Variants in KCND3 observed in about 807,000 individuals in gnomAD.
The protein encoded by KCND3 is A-type voltage-gated potassium channel KCND3.
A neutral mutation model predicts 51.1 loss-of-function variants in KCND3; 9 were observed. The observed-to-expected ratio is 0.18, with a 90% CI of 0.11 to 0.31. The LOEUF (loss-of-function observed/expected upper bound fraction) is 0.31, where lower values mean the gene tolerates loss of function less well. Among genes scored for constraint, KCND3 ranks in the 10% least tolerant of loss-of-function variants. The probability of loss-of-function intolerance (pLI) is 1.00; values close to 1 mark genes in which losing one functional copy is unlikely to be tolerated. For synonymous variants in KCND3, 349 were observed against 368.0 expected (o/e 0.95, Z 0.59); for missense variants, 526 against 903.8 (o/e 0.58, Z 5.36).
intron 2 of KCND3, among the ~76,000 whole-genome samples, chr1:111,967,159 AC>A (rs1352027030): frequency 2.0e-5 from 3 of 150,168 alleles, no homozygotes; most frequent in African/African-American, 7.3e-5. Context: ...AAAAACAAAA[AC>A]AAAAAAAAAA....
intron 2 of KCND3, among the ~76,000 whole-genome samples, chr1:111,807,015 A>G (rs1000182933): frequency 6.6e-6 from 1 of 152,244 alleles, no homozygotes; most frequent in East Asian, 1.9e-4. Context: ...GACTGGTAAC[A>G]TTCCCAGGTG....
chr1:111,950,850 T>A (rs912680497), intron 2 of KCND3, among the ~76,000 whole-genome samples: 1 of 152,150 alleles, frequency 6.6e-6, no homozygotes, highest in Non-Finnish European at 1.5e-5. Flanking sequence ...CTGTGATAGA[T>A]GTTTTGTCCA....
rs570190641 is a variant in KCND3 at position 111,949,938 on chromosome 1, C to A, written c.1106+31683G>T. Among the ~76,000 whole-genome samples, 3 of 152,282 alleles carry A rather than the reference C, an allele frequency of 2.0e-5. No homozygotes were observed. In the South Asian group the frequency reaches 6.2e-4, roughly 32 times the overall value. On this transcript the variant is annotated intron_variant, in intron 2 of 7. Coordinates refer to ENST00000302127, the MANE Select transcript of KCND3 (RefSeq NM_001378969.1). ...ATTTTGTTTTGTTTTTGAGACAGAG[C>A]CTCACTCTGTTGCTCAGGCTGGAGT...
At chr1:111,956,667 C>G (rs1023884493) in intron 2 of KCND3, among the ~76,000 whole-genome samples, 2 of 152,194 alleles carry the variant, frequency 1.3e-5, no homozygotes, top group East Asian at 1.9e-4. Context: ...AGCCCTCCCC[C>G]ACTTCCACAG....
At chr1:111,953,651 C>A (rs1039034289) in intron 2 of KCND3, among the ~76,000 whole-genome samples, 1 of 152,220 alleles carries the variant, frequency 6.6e-6, no homozygotes, top group African/African-American at 2.4e-5. Context: ...GCTGTGTAGG[C>A]TTCCTCATGA....
intron 5 of KCND3, among the ~76,000 whole-genome samples, chr1:111,778,735 G>A (rs1664245460): frequency 6.6e-6 from 1 of 151,826 alleles, no homozygotes; most frequent in Non-Finnish European, 1.5e-5. Context: ...CTCCTGTCCT[G>A]ACATTCCACC....
At chr1:111,841,042 G>A (rs1437714873) in intron 2 of KCND3, among the ~76,000 whole-genome samples, 1 of 152,170 alleles carries the variant, frequency 6.6e-6, no homozygotes, top group African/African-American at 2.4e-5. Flanking sequence ...TCCCCTATTT[G>A]TCTGTTCCAC....
intron 2 of KCND3, among the ~76,000 whole-genome samples, chr1:111,925,979 T>G (rs545701893): frequency 6.6e-6 from 1 of 152,348 alleles, no homozygotes; most frequent in East Asian, 1.9e-4. Flanking sequence ...TTATACATAC[T>G]AATCATTTCC....
rs967622411 is a variant in KCND3 at position 111,774,068 on chromosome 1, A to T, written c.*2009T>A. The T allele has an allele frequency of 6.6e-6, 1 of 152,252 alleles. No individual in the cohort carries two copies. Among genetic ancestry groups the T allele is most frequent in the African/African-American group, 2.4e-5 (1 of 41,450 alleles). The allele number at this position is 152,252 out of a possible 1,614,324, so 9.4% of individuals were successfully genotyped here. Reference sequence around the variant, plus strand: ...AGAGAAAGAACTCAGCCCATGGTCAATGAGGATAAGCATAAAGAGATAAAG... The same window carrying T: ...AGAGAAAGAACTCAGCCCATGGTCATTGAGGATAAGCATAAAGAGATAAAG... On this transcript the variant is annotated 3_prime_UTR_variant, in exon 8 of 8. Transcript: ENST00000302127.
intron 2 of KCND3, among the ~76,000 whole-genome samples, chr1:111,838,152 A>C (rs920348827): frequency 1.5e-4 from 23 of 152,190 alleles, no homozygotes; most frequent in Non-Finnish European, 8.8e-5. Flanking sequence ...CCTGCAGCCC[A>C]CACTACGGAG....
intron 2 of KCND3, among the ~76,000 whole-genome samples, chr1:111,875,480 T>G (rs2101724375): frequency 6.6e-6 from 1 of 152,306 alleles, no homozygotes; most frequent in East Asian, 1.9e-4. Context: ...GACTGGCCAT[T>G]TCTATACAAA....
In KCND3 at chr1:111,777,022, C is replaced by A; in HGVS notation, c.1766+4G>T. ...TTGCGGGTGATGGGATGGAAGCCAC[C>A]CACCTGGTTGTGAGGGAGGGCTGCT... On this transcript the variant is annotated splice_donor_region_variant and intron_variant, in intron 7 of 7. Transcript: ENST00000302127. The A allele has an allele frequency of 6.2e-7, 1 of 1,613,154 alleles. No individual in the cohort carries two copies. The highest frequency in any genetic ancestry group is 8.5e-7 in the Non-Finnish European group (1 of 1,179,858).
intron 2 of KCND3, among the ~76,000 whole-genome samples, chr1:111,800,780 C>T (rs1018814158): frequency 6.3e-4 from 96 of 152,218 alleles, no homozygotes; most frequent in Middle Eastern, 6.3e-3. Context: ...AGAGAGCACA[C>T]GCCCTGACCT....
intron 2 of KCND3, among the ~76,000 whole-genome samples, chr1:111,904,424 A>G (rs1670543801): frequency 6.6e-6 from 1 of 152,198 alleles, no homozygotes; most frequent in Non-Finnish European, 1.5e-5. Flanking sequence ...GCTATAAATC[A>G]GCTTAGCTTT....
intron 2 of KCND3, among the ~76,000 whole-genome samples, chr1:111,956,494 C>T (rs1201550184): frequency 1.3e-5 from 2 of 152,156 alleles, no homozygotes; most frequent in African/African-American, 2.4e-5. Flanking sequence ...TAGCCATGCC[C>T]TATTGATTGG....
intron 2 of KCND3, among the ~76,000 whole-genome samples, chr1:111,821,717 C>T (rs180896554): frequency 1.7e-4 from 26 of 152,288 alleles, no homozygotes; most frequent in Middle Eastern, 3.4e-3. Flanking sequence ...GTACGAACAG[C>T]CAGATGTGTC....
intron 2 of KCND3, among the ~76,000 whole-genome samples, chr1:111,824,214 C>T (rs1360486134): frequency 1.3e-5 from 2 of 151,252 alleles, no homozygotes; most frequent in African/African-American, 4.9e-5. Context: ...TGGAGAAATA[C>T]TGACAGCTCC....
intron 2 of KCND3, among the ~76,000 whole-genome samples, chr1:111,917,544 T>C (rs544936903): frequency 6.6e-6 from 1 of 152,252 alleles, no homozygotes; most frequent in East Asian, 1.9e-4. Context: ...AAATGCCTAC[T>C]TGCCTCCGAA....
rs1198505153 is a variant in KCND3 at position 111,898,509 on chromosome 1, G to A, written c.1106+83112C>T. On this transcript the variant is annotated intron_variant, in intron 2 of 7. Coordinates refer to ENST00000302127, the MANE Select transcript of KCND3 (RefSeq NM_001378969.1). The stretch of plus-strand genomic sequence containing the variant: ...TCCCTGGGGAGACTACAAGCTTCCT[G>A]AGGGCCAGAACTGTTCATTTGCCCC... Among the ~76,000 whole-genome samples the A allele has an allele frequency of 2.0e-5, 3 of 152,192 alleles. No homozygotes were observed. In the East Asian group the frequency reaches 5.8e-4, roughly 29 times the overall value.
Sources: gnomAD v4.1 joint callset for allele counts (sites outside exome capture counted in the v4.1 genomes callset) on GRCh38, gnomAD v4.1.1 for gene constraint, MANE v1.5 for transcripts, NCBI Gene and HGNC (gene_info 2026-07-23, HGNC 2026-07-21) for gene names.